UGT3A1: variants seen among roughly 807,000 people sequenced by gnomAD.
The protein encoded by UGT3A1 is UDP-glycosyltransferase 3A1.
UGT3A1 carries 40 observed loss-of-function variants against 37.6 expected under a neutral mutation model. The ratio of observed to expected loss-of-function variants is 1.06; its 90% CI spans 0.83 to 1.38. UGT3A1 has a LOEUF of 1.38. Ranked by LOEUF, UGT3A1 falls within the 40% of genes most tolerant of loss-of-function variation. UGT3A1 has a pLI of 0.00. For synonymous variants in UGT3A1, 256 were observed against 232.3 expected (o/e 1.10, Z -0.93); for missense variants, 642 against 634.2 (o/e 1.01, Z -0.13).
At position 35,962,781 on chromosome 5, in the gene UGT3A1, G is replaced by A; in HGVS notation, c.843+2605C>T. On this transcript the variant is annotated intron_variant, in intron 4 of 6. Coordinates refer to ENST00000274278, the MANE Select transcript of UGT3A1 (RefSeq NM_152404.4). ...GCCAAACCTTTGTTCCGAGGGCTAG[G>A]AGGTGTTTTTCCTCCAGATTCTGAG... The A allele has an allele frequency of 6.0e-6, 4 of 666,464 alleles. No homozygotes were observed. In the South Asian group the frequency reaches 6.5e-5, roughly 11 times the overall value. 41.3% of individuals were successfully genotyped at this position (666,464 alleles called of 1,614,324 possible).
chr5:35,954,928 A>G (rs1175726179), intron 6 of UGT3A1: 2 of 163,868 alleles, frequency 1.2e-5, no homozygotes, highest in Non-Finnish European at 2.7e-5. Flanking sequence ...TGCCGCTTTT[A>G]TTTCCTCACT....
At chr5:35,986,357 G>A (rs1740728802) in intron 2 of UGT3A1, among the ~76,000 whole-genome samples, 1 of 151,910 alleles carries the variant, frequency 6.6e-6, no homozygotes, top group Non-Finnish European at 1.5e-5. Context: ...ATATATCGAA[G>A]AGATAGCTTC....
chr5:35,954,557 C>T, intron 6 of UGT3A1, 79 bp from the exon 7 acceptor site: 4 of 1,511,760 alleles, frequency 2.6e-6, no homozygotes, highest in Non-Finnish European at 3.6e-6. Flanking sequence ...TGAGCACACA[C>T]ACAAGCATAC....
intron 2 of UGT3A1, among the ~76,000 whole-genome samples, chr5:35,973,899 C>A (rs1740152248): frequency 6.6e-6 from 1 of 152,016 alleles, no homozygotes; most frequent in Admixed American, 6.5e-5. Flanking sequence ...TTCATGGAGA[C>A]CTAGAGCATT....
intron 4 of UGT3A1, chr5:35,962,817 G>T: frequency 2.9e-6 from 2 of 693,212 alleles, no homozygotes; most frequent in Non-Finnish European, 5.3e-6. Context: ...GGTCAAAGCA[G>T]ACTCAGTGGT....
chr5:35,980,978 A>C (rs1459176881), intron 2 of UGT3A1, among the ~76,000 whole-genome samples: 1 of 152,208 alleles, frequency 6.6e-6, no homozygotes, highest in African/African-American at 2.4e-5. Context: ...TACTAAAAAA[A>C]GTCAAAACTG....
intron 2 of UGT3A1, among the ~76,000 whole-genome samples, chr5:35,996,703 G>T (rs963473744): frequency 1.3e-5 from 2 of 152,132 alleles, no homozygotes; most frequent in Admixed American, 6.5e-5. Context: ...ATTAAAAACT[G>T]TCCTGACAAT....
At chr5:35,988,942 A>C (rs1740832373) in intron 1 of UGT3A1, among the ~76,000 whole-genome samples, 1 of 152,234 alleles carries the variant, frequency 6.6e-6, no homozygotes, top group African/African-American at 2.4e-5. Flanking sequence ...AATGATAGAA[A>C]ATACAGCACA....
chr5:35,970,253 G>C (rs187207544), intron 2 of UGT3A1, among the ~76,000 whole-genome samples: 2 of 151,994 alleles, frequency 1.3e-5, no homozygotes, highest in Admixed American at 6.6e-5. Flanking sequence ...TTAGCCAGGC[G>C]TGGTGGCACA....
intron 2 of UGT3A1, among the ~76,000 whole-genome samples, chr5:35,984,375 G>A (rs942467169): frequency 1.3e-5 from 2 of 151,842 alleles, no homozygotes; most frequent in African/African-American, 2.4e-5. Context: ...TGTATTGCTC[G>A]GTATTTAGCA....
intron 6 of UGT3A1, chr5:35,955,410 G>T: frequency 3.3e-6 from 2 of 606,758 alleles, no homozygotes; most frequent in South Asian, 2.0e-5. Flanking sequence ...GAGATCATGT[G>T]TATATAATTT....
At chr5:35,962,942 G>A in intron 4 of UGT3A1, 1 of 702,868 alleles carries the variant, frequency 1.4e-6, no homozygotes, top group South Asian at 1.5e-5. Context: ...AAGAGAGCTG[G>A]TTGCCCATTC....
intron 2 of UGT3A1, 109 bp from the exon 3 acceptor site, chr5:35,968,242 G>A: frequency 1.5e-6 from 1 of 685,658 alleles, no homozygotes. Context: ...TTATGGAAAT[G>A]TTTAAAGTTT....
chr5:35,994,656 C>A (rs1282442007), upstream of UGT3A1, among the ~76,000 whole-genome samples: 1 of 152,078 alleles, frequency 6.6e-6, no homozygotes, highest in African/African-American at 2.4e-5. Context: ...CAGCCCCTGA[C>A]ACATATGCCA....
intron 3 of UGT3A1, 27 bp downstream of exon 3, chr5:35,967,990 CTT>C: frequency 6.5e-7 from 1 of 1,542,870 alleles, no homozygotes; most frequent in Non-Finnish European, 8.9e-7. Context: ...AATAGTGACT[CTT>C]TGCTTCATAG....
intron 2 of UGT3A1, among the ~76,000 whole-genome samples, chr5:35,971,785 C>G (rs944140791): frequency 2.0e-5 from 3 of 152,110 alleles, no homozygotes; most frequent in African/African-American, 7.2e-5. Context: ...CTCGTCCTGC[C>G]CTTTTCTGCC....
intron 1 of UGT3A1, among the ~76,000 whole-genome samples, chr5:35,997,520 A>G (rs1053975636): frequency 6.6e-6 from 1 of 151,756 alleles, no homozygotes; most frequent in Non-Finnish European, 1.5e-5. Flanking sequence ...TCCGCCTCCC[A>G]GGTTCAAGTG....
chr5:35,970,390 CAAA>C (rs56062143), intron 2 of UGT3A1, among the ~76,000 whole-genome samples: 2 of 131,920 alleles, frequency 1.5e-5, no homozygotes, highest in Non-Finnish European at 1.6e-5. Flanking sequence ...GACTCCATCT[CAAA>C]AAAAAAAAAA....
chr5:35,978,320 C>T (rs1740378173), intron 2 of UGT3A1, among the ~76,000 whole-genome samples: 1 of 152,176 alleles, frequency 6.6e-6, no homozygotes, highest in South Asian at 2.1e-4. Flanking sequence ...CAAGCATGAA[C>T]CACTCTGTAT....
Sources: allele counts gnomAD v4.1 joint callset (sites outside exome capture counted in the v4.1 genomes callset), GRCh38; gene constraint gnomAD v4.1.1; transcripts MANE v1.5; gene names NCBI Gene and HGNC (gene_info 2026-07-23, HGNC 2026-07-21).